Variants in NLRP8 observed in about 807,000 individuals in gnomAD.
NLRP8 encodes the protein NLR family pyrin domain containing 8.
A neutral mutation model predicts 88.7 loss-of-function variants in NLRP8; 86 were observed. The observed-to-expected ratio is 0.97, with a 90% confidence interval of 0.81 to 1.16. The LOEUF is 1.16. NLRP8 is among the 50% of genes most tolerant of loss of function. The pLI is 0.00. For synonymous variants in NLRP8, 504 were observed against 494.6 expected (o/e 1.02, Z -0.25); for missense variants, 1,342 against 1,286.5 (o/e 1.04, Z -0.66).
intron 4 of NLRP8, among the ~76,000 whole-genome samples, chr19:55,964,883 A>AT (rs1979771479): frequency 6.6e-6 from 1 of 152,318 alleles, no homozygotes; most frequent in Admixed American, 6.5e-5. Context: ...TATCAAATCG[A>AT]TTATACCTCA....
intron 5 of NLRP8, among the ~76,000 whole-genome samples, chr19:55,967,875 A>G (rs764520774): frequency 6.6e-6 from 1 of 152,240 alleles, no homozygotes; most frequent in Non-Finnish European, 1.5e-5. Flanking sequence ...ATTGTTTCCT[A>G]ATCATTTTAT....
chr19:55,967,264 C>A (rs1979885180), intron 5 of NLRP8, among the ~76,000 whole-genome samples: 1 of 152,140 alleles, frequency 6.6e-6, no homozygotes, highest in African/African-American at 2.4e-5. Context: ...ATAAATAACT[C>A]CCAAGTGCTT....
chr19:55,987,732 T>C (rs559090018), intron 9 of NLRP8: 16 of 1,014,042 alleles, frequency 1.6e-5, no homozygotes, highest in Non-Finnish European at 2.4e-5. Context: ...AGAAAAAGCA[T>C]AGAGACAAAA....
chr19:55,971,030 C>A (rs1253696925), intron 6 of NLRP8, among the ~76,000 whole-genome samples: 1 of 152,094 alleles, frequency 6.6e-6, no homozygotes, highest in African/African-American at 2.4e-5. Flanking sequence ...GCCCCCGACC[C>A]CACTGTGATG....
Position 55,948,080 on chromosome 19 carries a change from T to TTACTGAC in NLRP8, c.180_186dup (p.Glu63ThrfsTer3). The TTACTGAC allele has an allele frequency of 1.2e-6, 2 of 1,614,076 alleles. No homozygotes were observed. Among genetic ancestry groups the TTACTGAC allele is most frequent in the Non-Finnish European group, 1.7e-6 (2 of 1,179,952 alleles). ...GGAGCTACAACGGTTCAAGCAGCTC[T>TTACTGAC]TACTGACTGAGCTCAGTACTGGCAC... is the stretch of plus-strand genomic sequence containing the variant. On this transcript the variant is annotated frameshift_variant, in exon 1 of 10. Transcript: ENST00000291971. LOFTEE classifies it high-confidence loss of function.
intron 9 of NLRP8, among the ~76,000 whole-genome samples, chr19:55,986,639 C>A (rs1330414935): frequency 6.6e-6 from 1 of 152,222 alleles, no homozygotes; most frequent in South Asian, 2.1e-4. Context: ...CAGAAAAGTG[C>A]CTGTTCCCTG....
Position 55,966,384 on chromosome 19 carries a change from A to G in NLRP8, c.2381+4A>G. On this transcript the variant is annotated splice_donor_region_variant and intron_variant, in intron 5 of 9. Transcript: ENST00000291971. Reference sequence around the variant, plus strand: ...GGTGCCGTCTGCAGTGTCTCAGGTGAGATTTGAGAGGGGGGTTAGAGTGGG... The same window carrying G: ...GGTGCCGTCTGCAGTGTCTCAGGTGGGATTTGAGAGGGGGGTTAGAGTGGG... 1.2e-6 allele frequency: 2 copies of G among 1,612,494 alleles called. No homozygotes were observed. Among genetic ancestry groups the G allele is most frequent in the Non-Finnish European group, 1.7e-6 (2 of 1,179,068 alleles).
chr19:55,974,818 G>C (rs1428577092), intron 7 of NLRP8, among the ~76,000 whole-genome samples: 1 of 151,764 alleles, frequency 6.6e-6, no homozygotes, highest in Non-Finnish European at 1.5e-5. Context: ...AGTTACCCGA[G>C]AGACTTTCCC....
At chr19:55,965,721 A>G (rs776346218) in intron 4 of NLRP8, among the ~76,000 whole-genome samples, 41 of 152,078 alleles carry the variant, frequency 2.7e-4, no homozygotes, top group Non-Finnish European at 2.1e-4. Flanking sequence ...TTTGTTACAT[A>G]GGTATACATG....
chr19:55,973,795 A>C lies in NLRP8; in HGVS notation c.2678A>C (p.His893Pro), dbSNP rs772317623. 1.5e-5 allele frequency: 25 copies of C among 1,613,678 alleles called. No individual in the cohort carries two copies. Among genetic ancestry groups the C allele is most frequent in the Admixed American group, 1.2e-4 (7 of 59,978 alleles). Residue 893 changes from histidine (H) to proline (P), a missense_variant, in exon 7 of 10, where the codon CAC (histidine) becomes CCC (proline). By Grantham distance (77) the His-to-Pro change is moderately conservative. Coordinates refer to ENST00000291971, the MANE Select transcript of NLRP8 (RefSeq NM_176811.2). ...AAGCATATTTGGAATGCCCTGCCACACCTGAGATGTCCTCTGCAGAGGCTG... is the reference window on the plus strand; with the variant it reads ...AAGCATATTTGGAATGCCCTGCCACCCCTGAGATGTCCTCTGCAGAGGCTG...
chr19:55,957,458 G>A (rs1979404100), intron 3 of NLRP8, among the ~76,000 whole-genome samples: 1 of 151,734 alleles, frequency 6.6e-6, no homozygotes, highest in Admixed American at 6.6e-5. Flanking sequence ...GGCCGAGGCA[G>A]GTGGATCACT....
At chr19:55,983,463 CAAAAAAAA>C (rs3974175) in intron 9 of NLRP8, among the ~76,000 whole-genome samples, 1 of 85,324 alleles carries the variant, frequency 1.2e-5, no homozygotes. Flanking sequence ...GACTCCATCT[CAAAAAAAA>C]AAAAAAAAAA....
chr19:55,970,554 T>C lies in NLRP8; in HGVS notation c.2392T>C (p.Cys798Arg), dbSNP rs768337173. The C allele has an allele frequency of 6.2e-7, 1 of 1,614,164 alleles. No individual in the cohort carries two copies. The highest frequency in any genetic ancestry group is 1.1e-5 in the South Asian group (1 of 91,086). The change falls in exon 6 of 10, where the codon TGC becomes CGC. Residue 798 changes from cysteine to arginine, a missense_variant. Cys to Arg is a radical substitution (Grantham distance 180). Coordinates refer to ENST00000291971, the MANE Select transcript of NLRP8 (RefSeq NM_176811.2). Reference sequence around the variant, plus strand: ...ATCTGGCTTCTACAGGTTGGAAGACTGCTTGGCCACCCCTAGAATTTGGAC... The same window carrying C: ...ATCTGGCTTCTACAGGTTGGAAGACCGCTTGGCCACCCCTAGAATTTGGAC...
chr19:55,976,850 T>C lies in NLRP8; in HGVS notation c.2876+547T>C, dbSNP rs306480. Reference sequence around the variant, plus strand: ...ATCCCAGCACTTTGGGAGGCTGAGGTGGGGCGGATCATGAGATCAGGAGAT... The same window carrying C: ...ATCCCAGCACTTTGGGAGGCTGAGGCGGGGCGGATCATGAGATCAGGAGAT... On this transcript the variant is annotated intron_variant, in intron 8 of 9. Transcript: ENST00000291971. Among the ~76,000 whole-genome samples the C allele has an allele frequency of 4.0e-5, 6 of 149,696 alleles. No homozygotes were observed. The East Asian group carries it at 9.9e-4, about 25-fold the overall frequency.
intron 8 of NLRP8, 53 bp downstream of exon 8, chr19:55,976,356 T>C (rs1980324657): frequency 7.0e-7 from 1 of 1,430,136 alleles, no homozygotes; most frequent in South Asian, 1.6e-5. Flanking sequence ...TATATAAGCG[T>C]CTCTCAGGAT....
chr19:55,963,024 C>A (rs1043953841), intron 4 of NLRP8, among the ~76,000 whole-genome samples: 3 of 151,866 alleles, frequency 2.0e-5, no homozygotes, highest in African/African-American at 7.3e-5. Context: ...TTATCCCCCC[C>A]CTTTTTTAAA....
chr19:55,986,338 TCACA>T (rs1229253553), intron 9 of NLRP8, among the ~76,000 whole-genome samples: 2 of 147,318 alleles, frequency 1.4e-5, no homozygotes, highest in Admixed American at 6.8e-5. Context: ...ACTCTCTGTC[TCACA>T]CACATTGTCT....
At chr19:55,986,324 ACACACTCT>A (rs1228141253) in intron 9 of NLRP8, among the ~76,000 whole-genome samples, 6 of 145,758 alleles carry the variant, frequency 4.1e-5, no homozygotes, top group African/African-American at 1.6e-4. Context: ...TCTCACACAC[ACACACTCT>A]CTGTCTCACA....
Position 55,955,582 on chromosome 19 carries a change from G to C in NLRP8, c.1524G>C (p.Val508=). Residue 508 remains valine (V), a synonymous_variant, in exon 3 of 10, where the codon GTG becomes GTC. Transcript: ENST00000291971. ...AAGACCACTATGTCTTTACCCTCGTGACTTTTCAGGAATTTTTTGCGGCCT... is the reference window on the plus strand; with the variant it reads ...AAGACCACTATGTCTTTACCCTCGTCACTTTTCAGGAATTTTTTGCGGCCT... The C allele has an allele frequency of 6.2e-7, 1 of 1,614,170 alleles. No individual in the cohort carries two copies.
Sources: gnomAD v4.1 joint callset for allele counts (sites outside exome capture counted in the v4.1 genomes callset) on GRCh38, gnomAD v4.1.1 for gene constraint, MANE v1.5 for transcripts, NCBI Gene and HGNC (gene_info 2026-07-23, HGNC 2026-07-21) for gene names.